PLAC8: variants seen among roughly 807,000 people sequenced by gnomAD.
PLAC8 encodes the protein placenta associated 8.
A neutral mutation model predicts 12.6 loss-of-function variants in PLAC8; 6 were observed. The ratio of observed to expected loss-of-function variants is 0.48; its 90% CI spans 0.26 to 0.94. The LOEUF is 0.94. PLAC8 is among the 40% of genes least tolerant of loss of function. The probability of loss-of-function intolerance (pLI) is 0.14; values close to 1 mark genes in which losing one functional copy is unlikely to be tolerated. For synonymous variants in PLAC8, 54 were observed against 52.6 expected (o/e 1.03, Z -0.11); for missense variants, 122 against 152.7 (o/e 0.80, Z 1.06).
chr4:83,099,161 A>C (rs191374587), intron 3 of PLAC8, among the ~76,000 whole-genome samples: 386 of 152,138 alleles, frequency 2.5e-3, no homozygotes, highest in African/African-American at 8.9e-3. Context: ...CTGCCCTAAA[A>C]TGTTTTTGTC....
chr4:83,097,942 T>G (rs960379263), intron 3 of PLAC8, among the ~76,000 whole-genome samples: 5 of 138,568 alleles, frequency 3.6e-5, no homozygotes, highest in African/African-American at 5.3e-5. Context: ...CACCGCAACC[T>G]CCGCCTCCCG....
intron 3 of PLAC8, among the ~76,000 whole-genome samples, chr4:83,101,441 A>G (rs868132533): frequency 6.6e-6 from 1 of 152,228 alleles, no homozygotes; most frequent in Admixed American, 6.5e-5. Flanking sequence ...TGAAGCTAAA[A>G]GAGGTTGCTT....
chr4:83,113,515 G>A (rs1225839883), intron 1 of PLAC8, among the ~76,000 whole-genome samples: 1 of 152,212 alleles, frequency 6.6e-6, no homozygotes, highest in Non-Finnish European at 1.5e-5. Flanking sequence ...GTGCCAGGGT[G>A]TGTAAACGTG....
rs74915965 is a variant in PLAC8 at position 83,107,220 on chromosome 4, A to C, written c.118+584T>G. Among the ~76,000 whole-genome samples the C allele has an allele frequency of 3.0e-3, 446 of 148,282 alleles. 4 individuals carry two copies. The highest frequency in any genetic ancestry group is 0.011 in the African/African-American group (427 of 39,090). ...CGTCTCAAAAACAAACAAAAAAAAA[A>C]AACAAAAAAAAAAACAAAGCAGTCA... On this transcript the variant is annotated intron_variant, in intron 2 of 4. Coordinates refer to ENST00000311507, the MANE Select transcript of PLAC8 (RefSeq NM_016619.3).
intron 1 of PLAC8, among the ~76,000 whole-genome samples, chr4:83,110,830 T>A (rs750948202): frequency 1.3e-5 from 2 of 152,192 alleles, no homozygotes; most frequent in African/African-American, 2.4e-5. Flanking sequence ...GAAGAAGCAT[T>A]ACAGGAAATG....
At position 83,094,834 on chromosome 4, in the gene PLAC8, A is replaced by G. The variant is rs780956044; in HGVS notation, c.244-43T>C. 14 of 1,221,388 alleles carry G rather than the reference A, an allele frequency of 1.1e-5. No individual in the cohort carries two copies. The South Asian group carries it at 2.0e-4, about 17-fold the overall frequency. 75.7% of individuals were successfully genotyped at this position (1,221,388 alleles called of 1,614,324 possible). A position where few individuals can be genotyped will look rare whatever the true frequency, so the allele number is the denominator to read the frequency against. ...AGAAATAAAAATATAAAATTCACCT[A>G]TTTGGAATTAAGACTTGCCACATCT... On this transcript the variant is annotated intron_variant, in intron 3 of 4. Transcript: ENST00000311507.
In PLAC8 at chr4:83,094,715, T is replaced by C. The variant is rs2126139794; in HGVS notation, c.320A>G (p.Asn107Ser). ...CTLCQIKRDI[N>S]RRRAMRTF is the part of the protein sequence containing the mutation. ...GAAAGTACGCATGGCTCTCCTTCTGTTGATATCTCTCTTGATTTGGCAAAG... is the reference window on the plus strand; with the variant it reads ...GAAAGTACGCATGGCTCTCCTTCTGCTGATATCTCTCTTGATTTGGCAAAG... The change falls in exon 4 of 5, where the codon AAC (asparagine) becomes AGC (serine). Residue 107 changes from asparagine to serine, a missense_variant. Asn to Ser is a conservative substitution (Grantham distance 46, BLOSUM62 1). Transcript: ENST00000311507. 1.9e-6 allele frequency: 3 copies of C among 1,605,910 alleles called. No homozygotes were observed. Among genetic ancestry groups the C allele is most frequent in the Non-Finnish European group, 2.5e-6 (3 of 1,177,522 alleles).
Position 83,094,731 on chromosome 4 carries a change from T to C in PLAC8, c.304A>G (p.Ile102Val). 6.2e-7 allele frequency: 1 copy of C among 1,606,872 alleles called. No individual in the cohort carries two copies. The change falls in exon 4 of 5, where the codon ATC becomes GTC. Residue 102 changes from isoleucine to valine, a missense_variant. Coordinates refer to ENST00000311507, the MANE Select transcript of PLAC8 (RefSeq NM_016619.3). ...CTCCTTCTGTTGATATCTCTCTTGA[T>C]TTGGCAAAGAGTACAATGAGGACAG... is the stretch of plus-strand genomic sequence containing the variant. ...LCCPHCTLCQIKRDINRRRAM... is the reference protein window; with the variant it reads ...LCCPHCTLCQVKRDINRRRAM...
At chr4:83,103,396 CAAAG>C (rs375025864) in intron 3 of PLAC8, among the ~76,000 whole-genome samples, 22 of 151,556 alleles carry the variant, frequency 1.5e-4, no homozygotes, top group East Asian at 3.9e-4. Context: ...TCCATCTCAA[CAAAG>C]AAAGAAAGAA....
intron 2 of PLAC8, among the ~76,000 whole-genome samples, chr4:83,107,455 T>C (rs1051766217): frequency 1.3e-5 from 2 of 151,916 alleles, no homozygotes; most frequent in African/African-American, 4.8e-5. Context: ...AAAAATCAAG[T>C]TCAACTTGGA....
At position 83,090,296 on chromosome 4, in the gene PLAC8, G is replaced by C. The variant is rs150791945; in HGVS notation, c.*685C>G. On this transcript the variant is annotated 3_prime_UTR_variant, in exon 5 of 5. Transcript: ENST00000311507. ...TGTAATCCCAGCATTTTGTGATGCC[G>C]AGGCAGGTGGATCACGAGGTCAGGA... is the stretch of plus-strand genomic sequence containing the variant. The C allele has an allele frequency of 6.6e-6, 1 of 151,810 alleles. No individual in the cohort carries two copies. Among genetic ancestry groups the C allele is most frequent in the Admixed American group, 6.6e-5 (1 of 15,222 alleles). The allele number at this position is 151,810 out of a possible 1,614,324, so 9.4% of individuals were successfully genotyped here.
intron 1 of PLAC8, among the ~76,000 whole-genome samples, chr4:83,109,305 A>G (rs553655066): frequency 6.6e-6 from 1 of 152,340 alleles, no homozygotes; most frequent in East Asian, 1.9e-4. Context: ...GTGTCCTTCT[A>G]TAGACATTAA....
At chr4:83,098,050 G>T (rs1269410581) in intron 3 of PLAC8, among the ~76,000 whole-genome samples, 5 of 151,944 alleles carry the variant, frequency 3.3e-5, no homozygotes, top group Admixed American at 3.3e-4. Flanking sequence ...GTAGAGATGG[G>T]GTTTCACCAT....
At chr4:83,112,348 A>G (rs773580702) in intron 1 of PLAC8, among the ~76,000 whole-genome samples, 13 of 152,038 alleles carry the variant, frequency 8.6e-5, no homozygotes, top group Non-Finnish European at 1.3e-4. Context: ...TCAACATTGT[A>G]TGTTTCTGTT....
chr4:83,110,649 G>C (rs1273534348), intron 1 of PLAC8, among the ~76,000 whole-genome samples: 14 of 152,216 alleles, frequency 9.2e-5, no homozygotes. Flanking sequence ...ATGGTGCATA[G>C]CAAACAGTGG....
intron 1 of PLAC8, among the ~76,000 whole-genome samples, chr4:83,114,139 A>G (rs1310684907): frequency 6.6e-6 from 1 of 152,104 alleles, no homozygotes; most frequent in Admixed American, 6.5e-5. Flanking sequence ...CATATAAATG[A>G]AGCACCAGAA....
intron 1 of PLAC8, among the ~76,000 whole-genome samples, chr4:83,108,192 T>C (rs955353149): frequency 7.3e-5 from 11 of 151,140 alleles, no homozygotes; most frequent in African/African-American, 2.7e-4. Context: ...AGGCCCACTT[T>C]AGGGGCAGGA....
intron 2 of PLAC8, among the ~76,000 whole-genome samples, chr4:83,107,492 T>A (rs1287828920): frequency 6.6e-6 from 1 of 151,976 alleles, no homozygotes; most frequent in Non-Finnish European, 1.5e-5. Flanking sequence ...AAGTTCTATT[T>A]AGTCAGGCCA....
chr4:83,091,671 C>T (rs1403547223), intron 4 of PLAC8, among the ~76,000 whole-genome samples: 1 of 152,076 alleles, frequency 6.6e-6, no homozygotes, highest in African/African-American at 2.4e-5. Context: ...ACTATGCAAA[C>T]CCCCACTTCA....
Sources: allele counts gnomAD v4.1 joint callset (sites outside exome capture counted in the v4.1 genomes callset), GRCh38; gene constraint gnomAD v4.1.1; transcripts MANE v1.5; gene names NCBI Gene and HGNC (gene_info 2026-07-23, HGNC 2026-07-21).